The following CYP27C1 variants were observed in gnomAD, a reference collection of about 807,000 sequenced individuals.
CYP27C1 encodes the protein cytochrome P450 27C1.
Under a neutral mutation model 40.6 loss-of-function variants are expected in CYP27C1, and 29 were observed. The ratio of observed to expected loss-of-function variants is 0.71; its 90% CI spans 0.53 to 0.97. The LOEUF (loss-of-function observed/expected upper bound fraction) is 0.97. CYP27C1 is among the 50% of genes least tolerant of loss of function. CYP27C1 has a pLI of 0.00. For missense variants in CYP27C1, 390 were observed against 485.8 expected, an observed-to-expected ratio of 0.80 and a Z score of 1.85; for synonymous variants, 198 against 186.8, an observed-to-expected ratio of 1.06 and a Z score of -0.49.
chr2:127,187,849 A>G (rs1448136696), intron 8 of CYP27C1, among the ~76,000 whole-genome samples: 1 of 152,192 alleles, frequency 6.6e-6, no homozygotes, highest in Non-Finnish European at 1.5e-5. Context: ...GAATCCTCCG[A>G]AAGACTTCAT....
chr2:127,206,531 C>T (rs1375983210), intron 1 of CYP27C1, among the ~76,000 whole-genome samples: 2 of 152,180 alleles, frequency 1.3e-5, no homozygotes, highest in Non-Finnish European at 2.9e-5. Flanking sequence ...TGGTCTCGAA[C>T]TCTTGGCCTC....
At position 127,200,961 on chromosome 2, in the gene CYP27C1, T is replaced by C. The variant is rs1045320325; in HGVS notation, c.883+161A>G. On this transcript the variant is annotated intron_variant, in intron 4 of 8. Coordinates refer to ENST00000664447, the MANE Select transcript of CYP27C1 (RefSeq NM_001367502.1). The surrounding 1 kb of genome is among the most constrained non-coding windows in gnomAD (Gnocchi z 4.2). ...ATGGGCGACAGAGCCAGACTCCGTC[T>C]CAAAAAAAAAAAAAATCCAAAAGTT... Among the ~76,000 whole-genome samples the C allele has an allele frequency of 9.5e-5, 14 of 147,242 alleles. No individual in the cohort carries two copies.
chr2:127,198,184 G>GACAC (rs1205361557), intron 5 of CYP27C1, among the ~76,000 whole-genome samples: 15 of 56,196 alleles, frequency 2.7e-4, no homozygotes, highest in African/African-American at 9.0e-4. Flanking sequence ...GGAATTTGTT[G>GACAC]ATACACACAC....
At chr2:127,211,361 GTTTTTTTGTTTTTTTTTTTTT>G (rs1258478396) in intron 1 of CYP27C1, among the ~76,000 whole-genome samples, 1 of 103,638 alleles carries the variant, frequency 9.6e-6, no homozygotes, top group Admixed American at 1.0e-4. Context: ...CTAAAGCAGT[GTTTTTTTGTTTTTTTTTTTTT>G]TTTTTTTTTT....
intron 2 of CYP27C1, among the ~76,000 whole-genome samples, chr2:127,203,960 C>T (rs1245415301): frequency 6.6e-6 from 1 of 150,852 alleles, no homozygotes. Flanking sequence ...GAAGTAAGTA[C>T]TGATATTAAA....
At position 127,195,894 on chromosome 2, in the gene CYP27C1, G is replaced by C. The variant is rs933748930; in HGVS notation, c.1048-393C>G. On this transcript the variant is annotated intron_variant, in intron 5 of 8. Coordinates refer to ENST00000664447, the MANE Select transcript of CYP27C1 (RefSeq NM_001367502.1). This position sits in a 1 kb window ranked among gnomAD's most constrained non-coding sequence, Gnocchi z 6.2. ...GGGCTTGCTCGGTGTGTGCCAGAAA[G>C]GGCCTCAGGCTGCCCCCCGGCATCC... Among the ~76,000 whole-genome samples the C allele has an allele frequency of 6.6e-6, 1 of 152,094 alleles. No homozygotes were observed. The highest frequency in any genetic ancestry group is 2.4e-5 in the African/African-American group (1 of 41,412).
rs565783815 is a variant in CYP27C1 at position 127,214,786 on chromosome 2, T to G, written c.282+5203A>C. ...CTGCACATGTATCCGTTTTTTGTTTTTTTTTTTTTTTTTGGTTTTTTTTTT... is the reference window on the plus strand; with the variant it reads ...CTGCACATGTATCCGTTTTTTGTTTGTTTTTTTTTTTTTGGTTTTTTTTTT... On this transcript the variant is annotated intron_variant, in intron 1 of 8. Transcript: ENST00000664447. Among the ~76,000 whole-genome samples, 66 of 142,714 alleles carry G rather than the reference T, an allele frequency of 4.6e-4. No individual in the cohort carries two copies. In the South Asian group the frequency reaches 5.6e-3, roughly 12 times the overall value. 93.6% of individuals were successfully genotyped at this position (142,714 alleles called of 152,430 possible).
chr2:127,193,793 T>G lies in CYP27C1; in HGVS notation c.1289A>C (p.Lys430Thr), dbSNP rs774153699. Reference protein sequence around the residue: ...DLVIGGYLIPKGTQLALCHYA... With the variant: ...DLVIGGYLIPTGTQLALCHYA... ...CCCCCATGGCCCCAAACTCACGCCTTTCGGAATCAGATACCCGCCAATAAC... is the reference window on the plus strand; with the variant it reads ...CCCCCATGGCCCCAAACTCACGCCTGTCGGAATCAGATACCCGCCAATAAC... The change falls in exon 7 of 9, where the codon AAA becomes ACA. Residue 430 changes from lysine to threonine, a missense_variant. Transcript: ENST00000664447. 3.7e-6 allele frequency: 6 copies of G among 1,614,128 alleles called. No individual in the cohort carries two copies. In the South Asian group the frequency reaches 6.6e-5, roughly 18 times the overall value.
chr2:127,193,902 G>T, intron 6 of CYP27C1, 35 bp from the exon 7 acceptor site: 1 of 1,610,524 alleles, frequency 6.2e-7, no homozygotes, highest in East Asian at 2.2e-5. Context: ...GAATGGCGTG[G>T]TGACTTTCAC....
rs1418189684 is a variant in CYP27C1, at chr2:127,201,433, C to T, written c.674-102G>A. The T allele has an allele frequency of 8.9e-7, 1 of 1,124,494 alleles. No homozygotes were observed. The highest frequency in any genetic ancestry group is 2.2e-5 in the Admixed American group (1 of 45,218). 69.7% of individuals were successfully genotyped at this position (1,124,494 alleles called of 1,614,324 possible). ...CAACTTTCAAACGTGGTCCAGGTGC[C>T]TTTCATGAATGAGGCATCGTCCCTC... On this transcript the variant is annotated intron_variant, in intron 3 of 8. Coordinates refer to ENST00000664447, the MANE Select transcript of CYP27C1 (RefSeq NM_001367502.1). The surrounding 1 kb of genome is among the most constrained non-coding windows in gnomAD (Gnocchi z 6.0).
intron 3 of CYP27C1, among the ~76,000 whole-genome samples, chr2:127,202,964 C>G (rs1301767823): frequency 6.6e-6 from 1 of 151,826 alleles, no homozygotes; most frequent in Non-Finnish European, 1.5e-5. Context: ...GTCAGGAGTT[C>G]GAGACCAGCC....
At position 127,195,881 on chromosome 2, in the gene CYP27C1, T is replaced by A. The variant is rs1682892763; in HGVS notation, c.1048-380A>T. 6.6e-6 allele frequency among the ~76,000 whole-genome samples: 1 copy of A among 152,064 alleles called. No homozygotes were observed. The highest frequency in any genetic ancestry group is 6.5e-5 in the Admixed American group (1 of 15,270). ...GACCTTCTTTGCAGGGCTTGCTCGGTGTGTGCCAGAAAGGGCCTCAGGCTG... is the reference window on the plus strand; with the variant it reads ...GACCTTCTTTGCAGGGCTTGCTCGGAGTGTGCCAGAAAGGGCCTCAGGCTG... On this transcript the variant is annotated intron_variant, in intron 5 of 8. Coordinates refer to ENST00000664447, the MANE Select transcript of CYP27C1 (RefSeq NM_001367502.1). The surrounding 1 kb of genome is among the most constrained non-coding windows in gnomAD (Gnocchi z 6.2).
intron 8 of CYP27C1, among the ~76,000 whole-genome samples, chr2:127,189,595 A>G (rs922815256): frequency 2.3e-4 from 35 of 149,534 alleles, no homozygotes; most frequent in African/African-American, 6.9e-4. Flanking sequence ...TGTTCTGCAC[A>G]TGTATCCCAG....
chr2:127,198,759 T>C (rs921572474), intron 5 of CYP27C1, among the ~76,000 whole-genome samples: 2 of 152,302 alleles, frequency 1.3e-5, no homozygotes, highest in African/African-American at 2.4e-5. Context: ...CTAGGAGTAA[T>C]AGGCTCTACC....
intron 2 of CYP27C1, among the ~76,000 whole-genome samples, chr2:127,204,558 A>AG (rs1491572952): frequency 7.2e-3 from 298 of 41,142 alleles, no homozygotes; most frequent in Middle Eastern, 0.03. Context: ...AGAGAGAGAG[A>AG]AAGAAAGAAA....
At position 127,204,625 on chromosome 2, in the gene CYP27C1, G is replaced by GAAAGAAAGAAAGAAAGA. The variant is rs112099461; in HGVS notation, c.474-1055_474-1054insTCTTTCTTTCTTTCTTT. Among the ~76,000 whole-genome samples, 594 of 94,166 alleles carry GAAAGAAAGAAAGAAAGA rather than the reference G, an allele frequency of 6.3e-3. 69 individuals carry two copies. The highest frequency in any genetic ancestry group is 0.011 in the African/African-American group (253 of 24,076). The allele number at this position is 94,166 out of a possible 152,430, so 61.8% of individuals were successfully genotyped here. On this transcript the variant is annotated intron_variant, in intron 2 of 8. Coordinates refer to ENST00000664447, the MANE Select transcript of CYP27C1 (RefSeq NM_001367502.1). Reference sequence around the variant, plus strand: ...AGAAAGAAAGAAAGAAAGAAAGAAAGAAGACTGCAGCTTGTTACCAGGGTG... The same window carrying GAAAGAAAGAAAGAAAGA: ...AGAAAGAAAGAAAGAAAGAAAGAAAGAAAGAAAGAAAGAAAGAAAGACTGCAGCTTGTTACCAGGGTG...
Position 127,204,606 on chromosome 2 carries a change from A to C in CYP27C1, c.474-1035T>G, listed in dbSNP as rs145335260. ...GAAAGAAAGAAAGAAAGAAAGAAAGAAAGAAAGAAAGAAAGAAAGAAGACT... is the reference window on the plus strand; with the variant it reads ...GAAAGAAAGAAAGAAAGAAAGAAAGCAAGAAAGAAAGAAAGAAAGAAGACT... On this transcript the variant is annotated intron_variant, in intron 2 of 8. Transcript: ENST00000664447. Among the ~76,000 whole-genome samples, 790 of 101,008 alleles carry C rather than the reference A, an allele frequency of 7.8e-3. 19 individuals are homozygous for C. The highest frequency in any genetic ancestry group is 0.03 in the African/African-American group (713 of 23,936). The allele number at this position is 101,008 out of a possible 152,430, so 66.3% of individuals were successfully genotyped here. A position where few individuals can be genotyped will look rare whatever the true frequency, so the allele number is the denominator to read the frequency against.
intron 2 of CYP27C1, chr2:127,205,693 G>T (rs1177330472): frequency 1.3e-5 from 13 of 985,532 alleles, no homozygotes; most frequent in Non-Finnish European, 1.6e-5. Flanking sequence ...GGCTCCTGAC[G>T]GGACAACTCT....
intron 5 of CYP27C1, among the ~76,000 whole-genome samples, chr2:127,197,958 G>C (rs996874989): frequency 3.9e-5 from 6 of 152,024 alleles, no homozygotes; most frequent in African/African-American, 1.5e-4. Flanking sequence ...GCACAGTCAC[G>C]GACAGATGTG....
Sources: allele counts gnomAD v4.1 joint callset (sites outside exome capture counted in the v4.1 genomes callset), GRCh38; gene constraint gnomAD v4.1.1; non-coding constraint Gnocchi (gnomAD v3.1); transcripts MANE v1.5; gene names NCBI Gene and HGNC (gene_info 2026-07-23, HGNC 2026-07-21).